Variants in BCAR3 observed in about 807,000 individuals in gnomAD.
BCAR3 encodes the protein BCAR3 adaptor protein, NSP family member.
In BCAR3, 37 loss-of-function variants were observed where a neutral mutation model predicts 80.1. The observed-to-expected ratio is 0.46, with a 90% CI of 0.36 to 0.61. BCAR3 has a LOEUF of 0.61. Ranked by LOEUF, BCAR3 falls within the 20% of genes least tolerant of loss-of-function variation. The pLI is 0.00. For missense variants in BCAR3, 978 were observed against 1,068.2 expected, an observed-to-expected ratio of 0.92 and a Z score of 1.18; for synonymous variants, 389 against 418.9, an observed-to-expected ratio of 0.93 and a Z score of 0.87.
At chr1:93,745,940 T>A (rs1651343946) in intron 2 of BCAR3, among the ~76,000 whole-genome samples, 1 of 152,232 alleles carries the variant, frequency 6.6e-6, no homozygotes, top group Non-Finnish European at 1.5e-5. Context: ...GGGAGTGTGA[T>A]AAGTGAAAGT....
At chr1:93,685,188 C>T (rs941926193), upstream of BCAR3, among the ~76,000 whole-genome samples, 2 of 152,202 alleles carry the variant, frequency 1.3e-5, no homozygotes, top group African/African-American at 4.8e-5. Flanking sequence ...GTAGTATTCA[C>T]AGAACCATTG....
intron 3 of BCAR3, among the ~76,000 whole-genome samples, chr1:93,691,231 G>A (rs1355198478): frequency 6.6e-6 from 1 of 152,160 alleles, no homozygotes; most frequent in Admixed American, 6.5e-5. Flanking sequence ...GTTGGGAAGT[G>A]GTGACTTCAG....
intron 3 of BCAR3, among the ~76,000 whole-genome samples, chr1:93,630,821 A>G (rs1249008607): frequency 6.6e-6 from 1 of 152,156 alleles, no homozygotes; most frequent in Non-Finnish European, 1.5e-5. Flanking sequence ...GCACTGTGCT[A>G]AGAACTAAGA....
intron 3 of BCAR3, among the ~76,000 whole-genome samples, chr1:93,632,141 CA>C (rs1304133612): frequency 6.6e-6 from 1 of 152,188 alleles, no homozygotes; most frequent in Non-Finnish European, 1.5e-5. Context: ...CACAGTGTGA[CA>C]AAAGCACTAT....
At chr1:93,728,059 A>T (rs912816306) in intron 2 of BCAR3, among the ~76,000 whole-genome samples, 2 of 152,306 alleles carry the variant, frequency 1.3e-5, no homozygotes, top group Non-Finnish European at 2.9e-5. Context: ...GCAAGGAAGG[A>T]TTCTCCCCTC....
intron 2 of BCAR3, among the ~76,000 whole-genome samples, chr1:93,727,101 G>A (rs1459096501): frequency 1.3e-5 from 2 of 152,014 alleles, no homozygotes; most frequent in African/African-American, 2.4e-5. Flanking sequence ...GTTTCCTTGC[G>A]CATTTTGCAG....
At chr1:93,587,692 C>T (rs1674000583) in intron 5 of BCAR3, among the ~76,000 whole-genome samples, 1 of 127,988 alleles carries the variant, frequency 7.8e-6, no homozygotes, top group African/African-American at 3.9e-5. Flanking sequence ...TCCTCATGGA[C>T]CCCCCCGCCA....
chr1:93,835,316 C>T (rs1012386259), intron 2 of BCAR3, among the ~76,000 whole-genome samples: 1 of 152,196 alleles, frequency 6.6e-6, no homozygotes, highest in Non-Finnish European at 1.5e-5. Flanking sequence ...CAAGGGCCAT[C>T]AAAAGGCATC....
intron 3 of BCAR3, among the ~76,000 whole-genome samples, chr1:93,593,275 T>C (rs909325142): frequency 2.0e-5 from 3 of 152,204 alleles, no homozygotes; most frequent in African/African-American, 7.2e-5. Flanking sequence ...GTCCCTGTGG[T>C]TCTCCCAAGT....
At chr1:93,665,166 T>C (rs534824884) in intron 2 of BCAR3, among the ~76,000 whole-genome samples, 130 of 152,208 alleles carry the variant, frequency 8.5e-4, no homozygotes, top group Admixed American at 4.3e-3. Context: ...CATCACCCTT[T>C]AGGCAAAGGC....
In BCAR3 at chr1:93,758,718, C is replaced by T. The variant is rs115995507; in HGVS notation, c.-62-52576G>A. ...GCTAGGAGTGATGTCTGCCTATCAG[C>T]GTTCACCAAGTCACTTTATCAGGTC... is the stretch of plus-strand genomic sequence containing the variant. On this transcript the variant is annotated intron_variant, in intron 2 of 13. Coordinates refer to the BCAR3 transcript ENST00000370244. Among the ~76,000 whole-genome samples the T allele has an allele frequency of 9.2e-3, 1,395 of 152,296 alleles. 22 individuals carry two copies. The highest frequency in any genetic ancestry group is 0.032 in the African/African-American group (1,349 of 41,552).
chr1:93,615,467 T>C (rs12757325), intron 3 of BCAR3, among the ~76,000 whole-genome samples: 19,827 of 152,206 alleles, frequency 0.13, 1,333 homozygotes, highest in Middle Eastern at 0.17. Context: ...TCCTTTCTGC[T>C]TTCCTCCCTC....
intron 3 of BCAR3, among the ~76,000 whole-genome samples, chr1:93,641,945 A>G (rs1422815629): frequency 6.6e-6 from 1 of 152,196 alleles, no homozygotes; most frequent in Non-Finnish European, 1.5e-5. Flanking sequence ...TCTTAGTGTG[A>G]ATATTCTTAC....
chr1:93,664,188 C>T (rs191529403), intron 2 of BCAR3, among the ~76,000 whole-genome samples: 8 of 152,260 alleles, frequency 5.3e-5, no homozygotes, highest in Admixed American at 3.3e-4. Context: ...GGCAGGATCT[C>T]GGCTCACTGC....
chr1:93,845,502 A>ATATATATATATATGTCATGTTGTCAAG, intron 2 of BCAR3: 1 of 113,822 alleles, frequency 8.8e-6, no homozygotes, highest in African/African-American at 3.5e-5. Context: ...ATATATATAT[A>ATATATATATATATGTCATGTTGTCAAG]AAACTTTGTT....
chr1:93,768,679 A>C (rs1298753280), intron 2 of BCAR3, among the ~76,000 whole-genome samples: 3 of 152,242 alleles, frequency 2.0e-5, no homozygotes, highest in African/African-American at 7.2e-5. Context: ...ATTTAATTTC[A>C]GCCATGCAGC....
chr1:93,764,975 G>A (rs1652094788), intron 2 of BCAR3, among the ~76,000 whole-genome samples: 1 of 152,118 alleles, frequency 6.6e-6, no homozygotes. Flanking sequence ...GTGGGACCTC[G>A]CTCTTACGCC....
chr1:93,656,244 G>A (rs1442457627), intron 2 of BCAR3, among the ~76,000 whole-genome samples: 2 of 151,960 alleles, frequency 1.3e-5, no homozygotes, highest in Non-Finnish European at 1.5e-5. Flanking sequence ...TTTGACCATT[G>A]CTTTTTCCTT....
intron 2 of BCAR3, among the ~76,000 whole-genome samples, chr1:93,648,361 A>C (rs1557639113): frequency 6.6e-6 from 1 of 152,188 alleles, no homozygotes; most frequent in East Asian, 1.9e-4. Context: ...GTAAATGGTA[A>C]AAGTACCAAA....
Sources: allele counts gnomAD v4.1 joint callset (sites outside exome capture counted in the v4.1 genomes callset), GRCh38; gene constraint gnomAD v4.1.1; transcripts MANE v1.5; gene names NCBI Gene and HGNC (gene_info 2026-07-23, HGNC 2026-07-21).